The following ANK2 variants were observed in gnomAD, a reference collection of about 807,000 sequenced individuals.
ANK2 encodes ankyrin-2.
In ANK2, 83 loss-of-function variants were observed where a neutral mutation model predicts 360.5. The observed-to-expected ratio is 0.23, with a 90% CI of 0.19 to 0.28. The LOEUF is 0.28. Ranked by LOEUF, ANK2 falls within the 10% of genes least tolerant of loss-of-function variation. ANK2 has a pLI of 1.00. For missense variants in ANK2, 4,201 were observed against 4,795.7 expected, an observed-to-expected ratio of 0.88 and a Z score of 3.66; for synonymous variants, 1,740 against 1,759.5, an observed-to-expected ratio of 0.99 and a Z score of 0.28.
chr4:113,149,103 T>G (rs2096941054), intron 1 of ANK2: 1 of 152,210 alleles, frequency 6.6e-6, no homozygotes, highest in African/African-American at 2.4e-5. Context: ...GAGTTGTGAA[T>G]GCAGCAAGAG....
At chr4:113,276,892 T>C (rs886838493) in intron 15 of ANK2, among the ~76,000 whole-genome samples, 7 of 152,152 alleles carry the variant, frequency 4.6e-5, no homozygotes, top group Non-Finnish European at 8.8e-5. Context: ...GCTATGTGTT[T>C]TACAGGCCCT....
chr4:113,249,693 A>G (rs2045062905), intron 9 of ANK2, 71 bp from the exon 10 acceptor site: 1 of 1,411,674 alleles, frequency 7.1e-7, no homozygotes, highest in Non-Finnish European at 9.9e-7. Context: ...CTCCCTCTTT[A>G]TGGTTGCAAT....
At chr4:112,965,201 G>T (rs112009353) in intron 2 of ANK2, among the ~76,000 whole-genome samples, 5,620 of 152,204 alleles carry the variant, frequency 0.037, 309 homozygotes, top group African/African-American at 0.12. Flanking sequence ...ATTTTAACCT[G>T]GGTGAGAGTA....
At chr4:112,769,971 A>G in the ANK2 span, among the ~76,000 whole-genome samples, 1 of 152,154 alleles carries the variant, frequency 6.6e-6, no homozygotes, top group Non-Finnish European at 1.5e-5. Flanking sequence ...TAGCTTGCAG[A>G]TGGCAGATAG....
chr4:113,344,242 G>A (rs2153986244), intron 34 of ANK2, among the ~76,000 whole-genome samples: 1 of 152,260 alleles, frequency 6.6e-6, no homozygotes, highest in South Asian at 2.1e-4. Context: ...AAGTGCTTCA[G>A]TAGACATTTC....
intron 1 of ANK2, among the ~76,000 whole-genome samples, chr4:113,126,357 TCTC>T (rs1282209668): frequency 2.0e-5 from 3 of 152,180 alleles, no homozygotes; most frequent in Admixed American, 6.5e-5. Context: ...TGAAAATAAA[TCTC>T]CTGAGTTCTT....
chr4:113,013,268 C>T (rs74770435), intron 2 of ANK2, among the ~76,000 whole-genome samples: 2,073 of 152,164 alleles, frequency 0.014, 45 homozygotes, highest in African/African-American at 0.045. Context: ...TGTTTTGATT[C>T]GGTAGTCCCT....
intron 1 of ANK2, among the ~76,000 whole-genome samples, chr4:113,118,829 C>G (rs1302438019): frequency 2.6e-5 from 4 of 152,044 alleles, no homozygotes; most frequent in Non-Finnish European, 5.9e-5. Context: ...TCTTTTTTAT[C>G]TTTTGTTCTC....
chr4:112,888,240 T>C (rs924662807), intron 1 of ANK2, among the ~76,000 whole-genome samples: 1 of 152,174 alleles, frequency 6.6e-6, no homozygotes, highest in Non-Finnish European at 1.5e-5. Flanking sequence ...TGTCTAGCTA[T>C]ATAGAAAGTG....
intron 2 of ANK2, among the ~76,000 whole-genome samples, chr4:113,181,550 A>G (rs1273101763): frequency 6.6e-6 from 1 of 152,218 alleles, no homozygotes; most frequent in Non-Finnish European, 1.5e-5. Flanking sequence ...CTCACAATCT[A>G]CAACCTGAGA....
chr4:112,822,651 TAGG>T (rs997510686), intron 1 of ANK2, among the ~76,000 whole-genome samples: 3 of 146,294 alleles, frequency 2.1e-5, no homozygotes, highest in African/African-American at 7.6e-5. Context: ...AGGGGTGAGG[TAGG>T]AGGATGGCTT....
At chr4:112,861,958 G>T (rs552184905) in intron 1 of ANK2, among the ~76,000 whole-genome samples, 1 of 151,808 alleles carries the variant, frequency 6.6e-6, no homozygotes, top group Non-Finnish European at 1.5e-5. Flanking sequence ...TCAAAAAATG[G>T]CACCGAGTCC....
chr4:113,153,294 A>G (rs1020156933), intron 1 of ANK2, among the ~76,000 whole-genome samples: 1 of 152,152 alleles, frequency 6.6e-6, no homozygotes, highest in South Asian at 2.1e-4. Flanking sequence ...AAGTACCTTT[A>G]TATTTGCTAC....
At chr4:112,722,560 A>G in the ANK2 span, among the ~76,000 whole-genome samples, 1 of 152,162 alleles carries the variant, frequency 6.6e-6, no homozygotes, top group Admixed American at 6.5e-5. Flanking sequence ...CTACTTTGCC[A>G]TCCTCAGGTG....
chr4:113,060,325 T>C (rs1006314930), intron 1 of ANK2, among the ~76,000 whole-genome samples: 12 of 152,156 alleles, frequency 7.9e-5, no homozygotes, highest in Non-Finnish European at 5.9e-5. Flanking sequence ...CATTGAGAGA[T>C]TAGTATATCT....
chr4:112,746,791 C>A, the ANK2 span, among the ~76,000 whole-genome samples: 1 of 152,248 alleles, frequency 6.6e-6, no homozygotes, highest in African/African-American at 2.4e-5. Flanking sequence ...TTTAATCATG[C>A]ATAATAGGAA....
At chr4:113,069,776 A>G (rs2076904274) in intron 1 of ANK2, 1 of 152,164 alleles carries the variant, frequency 6.6e-6, no homozygotes, top group Non-Finnish European at 1.5e-5. Context: ...CCTTTAACAC[A>G]GTTTCTATTC....
In ANK2 at chr4:113,199,022, C is replaced by G. The variant is rs587780851; in HGVS notation, c.297C>G (p.Thr99=). ...TTTCTCCAAAACAGAAGGGAAATACCGCTCTTCACATTGCATCTTTGGCTG... is the reference window on the plus strand; with the variant it reads ...TTTCTCCAAAACAGAAGGGAAATACGGCTCTTCACATTGCATCTTTGGCTG... ...SVDSATKKGN[T]ALHIASLAGQ... The change falls in exon 4 of 46, where the codon ACC becomes ACG. Residue 99 remains threonine, a synonymous_variant. Coordinates refer to ENST00000357077, the MANE Select transcript of ANK2 (RefSeq NM_001148.6). 6.2e-7 allele frequency: 1 copy of G among 1,612,546 alleles called. No homozygotes were observed. Among genetic ancestry groups the G allele is most frequent in the Non-Finnish European group, 8.5e-7 (1 of 1,178,862 alleles).
At chr4:113,185,518 A>T (rs532742670) in intron 2 of ANK2, among the ~76,000 whole-genome samples, 1 of 152,332 alleles carries the variant, frequency 6.6e-6, no homozygotes, top group African/African-American at 2.4e-5. Context: ...TCTTCTTTTG[A>T]GAAGTGTCTG....
Sources: gnomAD v4.1 joint callset for allele counts (sites outside exome capture counted in the v4.1 genomes callset) on GRCh38, gnomAD v4.1.1 for gene constraint, MANE v1.5 for transcripts, NCBI Gene and HGNC (gene_info 2026-07-23, HGNC 2026-07-21) for gene names.